The following TMEM132B variants were observed in gnomAD, a reference collection of about 807,000 sequenced individuals.
TMEM132B encodes transmembrane protein 132B.
In TMEM132B, 18 loss-of-function variants were observed where a neutral mutation model predicts 90.8. The observed-to-expected ratio is 0.20, with a 90% CI of 0.14 to 0.29. The LOEUF is 0.29. Ranked by LOEUF, TMEM132B falls within the 10% of genes least tolerant of loss-of-function variation. TMEM132B has a pLI of 1.00. For synonymous variants in TMEM132B, 504 were observed against 523.3 expected (o/e 0.96, Z 0.50); for missense variants, 1,096 against 1,326.8 (o/e 0.83, Z 2.70).
intron 1 of TMEM132B, among the ~76,000 whole-genome samples, chr12:125,344,002 GA>G (rs1290370867): frequency 6.6e-6 from 1 of 152,200 alleles, no homozygotes; most frequent in East Asian, 1.9e-4. Context: ...TTAATTGATG[GA>G]CATTCATTCA....
intron 1 of TMEM132B, among the ~76,000 whole-genome samples, chr12:125,344,023 T>C (rs998134821): frequency 2.2e-4 from 34 of 152,264 alleles, no homozygotes; most frequent in African/African-American, 8.0e-4. Flanking sequence ...AGCAAATATC[T>C]ATTTAATTTC....
chr12:125,374,347 C>T (rs976070918), intron 2 of TMEM132B, among the ~76,000 whole-genome samples: 66 of 152,248 alleles, frequency 4.3e-4, no homozygotes, highest in African/African-American at 1.4e-3. Flanking sequence ...TTTAAATTCT[C>T]CGTGGGCACA....
chr12:125,437,860 G>A (rs867959093), intron 3 of TMEM132B, among the ~76,000 whole-genome samples: 1 of 152,192 alleles, frequency 6.6e-6, no homozygotes, highest in Admixed American at 6.5e-5. Flanking sequence ...TTGGGGTGAC[G>A]AAAACGTTCT....
rs369956699 is a variant in TMEM132B, at chr12:125,278,279, A to G, written c.68-71173A>G. On this transcript the variant is annotated intron_variant, in intron 1 of 8. Coordinates refer to ENST00000682704, the MANE Select transcript of TMEM132B (RefSeq NM_001366854.1). ...CTTCAATAGAAACCATTTGGCCTGT[A>G]AGGTGGAAAACATGTACTTTCTAGC... Among the ~76,000 whole-genome samples, 18 of 152,322 alleles carry G rather than the reference A, an allele frequency of 1.2e-4. No individual in the cohort carries two copies. In the East Asian group the frequency reaches 2.3e-3, roughly 20 times the overall value.
chr12:125,577,552 T>A (rs1374413395), intron 4 of TMEM132B, among the ~76,000 whole-genome samples: 1 of 149,934 alleles, frequency 6.7e-6, no homozygotes, highest in Non-Finnish European at 1.5e-5. Context: ...TACCAATATT[T>A]AATATAAATA....
intron 4 of TMEM132B, among the ~76,000 whole-genome samples, chr12:125,557,447 TA>T (rs1356666960): frequency 6.6e-6 from 1 of 152,218 alleles, no homozygotes; most frequent in East Asian, 1.9e-4. Flanking sequence ...ATGTTGGATG[TA>T]TAGCATCTAT....
intron 3 of TMEM132B, among the ~76,000 whole-genome samples, chr12:125,453,540 T>A (rs1269322258): frequency 1.3e-5 from 2 of 152,222 alleles, no homozygotes; most frequent in Non-Finnish European, 2.9e-5. Context: ...TGTATCAGTA[T>A]TGCCTAAGGC....
At chr12:125,486,286 G>A (rs1417626960) in intron 3 of TMEM132B, among the ~76,000 whole-genome samples, 1 of 152,168 alleles carries the variant, frequency 6.6e-6, no homozygotes, top group East Asian at 1.9e-4. Flanking sequence ...CATATTATTA[G>A]TGTGTTATAG....
chr12:125,369,018 C>A (rs1014239865), intron 2 of TMEM132B, among the ~76,000 whole-genome samples: 2 of 150,130 alleles, frequency 1.3e-5, no homozygotes, highest in African/African-American at 4.9e-5. Flanking sequence ...CTATCCCTCC[C>A]CCCTCCCCCG....
At chr12:125,266,785 G>C (rs1003445534) in intron 1 of TMEM132B, among the ~76,000 whole-genome samples, 1 of 152,188 alleles carries the variant, frequency 6.6e-6, no homozygotes, top group Admixed American at 6.5e-5. Context: ...TCTTATCCAA[G>C]TCCCAGTAGC....
Position 125,654,362 on chromosome 12 carries a change from C to T in TMEM132B, c.2904C>T (p.Leu968=). 3.7e-6 allele frequency: 6 copies of T among 1,612,902 alleles called. No individual in the cohort carries two copies. The highest frequency in any genetic ancestry group is 5.1e-6 in the Non-Finnish European group (6 of 1,180,024). ...ELLENPVDIT[L]PSEECTTMID... ...TGGAGAACCCTGTTGACATTACACT[C>T]CCATCAGAGGAGTGCACAACCATGA... The change falls in exon 9 of 9, where the codon CTC becomes CTT. Residue 968 remains leucine (L), a synonymous_variant. Coordinates refer to ENST00000682704, the MANE Select transcript of TMEM132B (RefSeq NM_001366854.1). The surrounding 1 kb of genome is among the most constrained non-coding windows in gnomAD (Gnocchi z 5.8).
intron 4 of TMEM132B, among the ~76,000 whole-genome samples, chr12:125,539,939 A>T (rs966135926): frequency 6.6e-6 from 1 of 152,178 alleles, no homozygotes; most frequent in Non-Finnish European, 1.5e-5. Flanking sequence ...GCAGTCACTG[A>T]TGTAGACCTT....
chr12:125,533,174 T>A (rs1883692448), intron 4 of TMEM132B, among the ~76,000 whole-genome samples: 1 of 152,222 alleles, frequency 6.6e-6, no homozygotes, highest in Non-Finnish European at 1.5e-5. Flanking sequence ...AAGTGTAATA[T>A]AATTCCTACC....
chr12:125,410,653 GGAGT>G (rs1333379939), intron 2 of TMEM132B, among the ~76,000 whole-genome samples: 1 of 6,174 alleles, frequency 1.6e-4, no homozygotes, highest in East Asian at 9.1e-3. Flanking sequence ...GGAGTGGAGT[GGAGT>G]GAGTGGAGTG....
chr12:125,550,358 GTT>G (rs554451672), intron 4 of TMEM132B, among the ~76,000 whole-genome samples: 4 of 151,862 alleles, frequency 2.6e-5, no homozygotes, highest in Non-Finnish European at 2.9e-5. Context: ...TCTATATTCT[GTT>G]TTTTTTAAAC....
At chr12:125,475,884 A>G (rs534234593) in intron 3 of TMEM132B, among the ~76,000 whole-genome samples, 181 of 152,336 alleles carry the variant, frequency 1.2e-3, no homozygotes, top group African/African-American at 4.3e-3. Context: ...TTATGGAATC[A>G]TTTGAGACAT....
chr12:125,602,673 T>G (rs1468464452), intron 5 of TMEM132B, among the ~76,000 whole-genome samples: 1 of 152,202 alleles, frequency 6.6e-6, no homozygotes, highest in Non-Finnish European at 1.5e-5. Flanking sequence ...GAAGTCAAAT[T>G]GTCTCTGTTT....
chr12:125,208,827 GC>G (rs898990840), intron 1 of TMEM132B, among the ~76,000 whole-genome samples: 25 of 152,156 alleles, frequency 1.6e-4, no homozygotes, highest in Non-Finnish European at 3.4e-4. Flanking sequence ...GCCCATTTCA[GC>G]TTTGTGTCCA....
At chr12:125,606,858 A>G (rs1189095275) in intron 5 of TMEM132B, among the ~76,000 whole-genome samples, 1 of 152,206 alleles carries the variant, frequency 6.6e-6, no homozygotes, top group African/African-American at 2.4e-5. Flanking sequence ...CTTCTGTCCC[A>G]GAAGACCTGA....
Sources: gnomAD v4.1 joint callset for allele counts (sites outside exome capture counted in the v4.1 genomes callset) on GRCh38, gnomAD v4.1.1 for gene constraint, Gnocchi (gnomAD v3.1) non-coding constraint, MANE v1.5 for transcripts, NCBI Gene and HGNC (gene_info 2026-07-23, HGNC 2026-07-21) for gene names.